LINGO2: variants seen among roughly 807,000 people sequenced by gnomAD.
LINGO2 encodes leucine rich repeat and Ig domain containing 2, also known as leucine-rich repeat and immunoglobulin-like domain-containing nogo receptor-interacting protein 2.
In LINGO2, 14 loss-of-function variants were observed where a neutral mutation model predicts 30.6. The observed-to-expected ratio is 0.46, with a 90% CI of 0.30 to 0.72. The LOEUF is 0.72. LINGO2 is among the 30% of genes least tolerant of loss of function. The pLI is 0.07. For missense variants in LINGO2, 729 were observed against 751.7 expected (o/e 0.97, Z 0.35); for synonymous variants, 317 against 288.5 (o/e 1.10, Z -1.00).
chr9:28,793,038 G>A, the LINGO2 span, among the ~76,000 whole-genome samples: 1 of 152,006 alleles, frequency 6.6e-6, no homozygotes, highest in Non-Finnish European at 1.5e-5. Flanking sequence ...TACACACCCT[G>A]CCACACACAC....
intron 5 of LINGO2, among the ~76,000 whole-genome samples, chr9:27,954,257 G>A (rs1819456450): frequency 6.6e-6 from 1 of 152,118 alleles, no homozygotes; most frequent in African/African-American, 2.4e-5. Flanking sequence ...ATTAACTACA[G>A]TCACTCTACT....
At chr9:28,872,674 T>C in the LINGO2 span, among the ~76,000 whole-genome samples, 1 of 152,108 alleles carries the variant, frequency 6.6e-6, no homozygotes, top group Non-Finnish European at 1.5e-5. Flanking sequence ...AACCATATTG[T>C]TTTGATTAAA....
the LINGO2 span, among the ~76,000 whole-genome samples, chr9:29,145,914 A>AT: frequency 6.6e-6 from 1 of 152,192 alleles, no homozygotes; most frequent in Non-Finnish European, 1.5e-5. Flanking sequence ...ATGTGTGTGC[A>AT]TGTAAGTTAT....
intron 5 of LINGO2, among the ~76,000 whole-genome samples, chr9:27,951,707 A>T (rs1819321777): frequency 6.6e-6 from 1 of 152,156 alleles, no homozygotes; most frequent in Admixed American, 6.5e-5. Context: ...TCTCAGGGGT[A>T]CACTTTATCC....
intron 1 of LINGO2, among the ~76,000 whole-genome samples, chr9:28,508,928 G>T (rs1176537961): frequency 6.6e-6 from 1 of 152,042 alleles, no homozygotes; most frequent in Non-Finnish European, 1.5e-5. Context: ...TGGAGTGGTT[G>T]TGTGAACTAC....
chr9:28,307,783 A>G (rs1824431169), intron 3 of LINGO2, among the ~76,000 whole-genome samples: 1 of 152,186 alleles, frequency 6.6e-6, no homozygotes, highest in African/African-American at 2.4e-5. Flanking sequence ...TTATACACCA[A>G]TAACAGACAA....
chr9:28,605,644 T>G (rs1034263883), intron 1 of LINGO2, among the ~76,000 whole-genome samples: 1 of 152,060 alleles, frequency 6.6e-6, no homozygotes, highest in Non-Finnish European at 1.5e-5. Flanking sequence ...TAGCCTAAGT[T>G]AAGCTTCTTC....
At chr9:29,038,599 A>G in the LINGO2 span, among the ~76,000 whole-genome samples, 2 of 150,634 alleles carry the variant, frequency 1.3e-5, no homozygotes, top group South Asian at 4.2e-4. Context: ...TCAGCAGAAC[A>G]TTAGAAATGA....
chr9:28,682,321 C>T, the LINGO2 span, among the ~76,000 whole-genome samples: 11 of 152,238 alleles, frequency 7.2e-5, no homozygotes, highest in South Asian at 1.2e-3. Flanking sequence ...GAACCTGTTC[C>T]GCATTCACTG....
chr9:28,995,089 A>G, the LINGO2 span, among the ~76,000 whole-genome samples: 3 of 151,982 alleles, frequency 2.0e-5, no homozygotes, highest in Admixed American at 6.5e-5. Flanking sequence ...GGCAACCTAC[A>G]AAATGGGAGA....
At chr9:29,017,978 G>A in the LINGO2 span, among the ~76,000 whole-genome samples, 2 of 150,726 alleles carry the variant, frequency 1.3e-5, no homozygotes, top group African/African-American at 2.4e-5. Flanking sequence ...TACAACTTAG[G>A]TGCCTGCCCA....
chr9:29,001,207 T>G, the LINGO2 span, among the ~76,000 whole-genome samples: 1 of 151,870 alleles, frequency 6.6e-6, no homozygotes, highest in Non-Finnish European at 1.5e-5. Context: ...GGAAATGAGA[T>G]CTCGTTGTAG....
intron 4 of LINGO2, among the ~76,000 whole-genome samples, chr9:28,109,735 A>G (rs1445121546): frequency 1.3e-5 from 2 of 152,228 alleles, no homozygotes. Flanking sequence ...GCTCAAGGAA[A>G]TAAGAGAGGA....
intron 1 of LINGO2, among the ~76,000 whole-genome samples, chr9:28,639,128 T>C (rs1312313146): frequency 1.3e-5 from 2 of 152,120 alleles, no homozygotes; most frequent in Non-Finnish European, 2.9e-5. Context: ...AGTTGAGCGG[T>C]TTTGAGTGAG....
the LINGO2 span, among the ~76,000 whole-genome samples, chr9:28,831,740 C>T: frequency 6.6e-6 from 1 of 152,120 alleles, no homozygotes; most frequent in African/African-American, 2.4e-5. Context: ...GCTACAATTT[C>T]AGTAATATAA....
chr9:29,139,515 T>C, the LINGO2 span, among the ~76,000 whole-genome samples: 1 of 152,108 alleles, frequency 6.6e-6, no homozygotes, highest in Non-Finnish European at 1.5e-5. Context: ...GAAATCTGGA[T>C]AGGAAGATGG....
chr9:29,143,058 AG>A, the LINGO2 span, among the ~76,000 whole-genome samples: 64,567 of 151,808 alleles, frequency 0.43, 13,853 homozygotes, highest in East Asian at 0.58. Context: ...TGAGAAAAAA[AG>A]TAAAATATTT....
the LINGO2 span, among the ~76,000 whole-genome samples, chr9:29,150,860 T>C: frequency 6.6e-6 from 1 of 151,982 alleles, no homozygotes; most frequent in Non-Finnish European, 1.5e-5. Flanking sequence ...ATTTTTCCAC[T>C]CTCCCTAGAG....
At chr9:28,793,176 A>G in the LINGO2 span, among the ~76,000 whole-genome samples, 1 of 152,214 alleles carries the variant, frequency 6.6e-6, no homozygotes, top group African/African-American at 2.4e-5. Flanking sequence ...GAAACAAAAC[A>G]ACAAACATGA....
Sources: gnomAD v4.1 joint callset for allele counts (sites outside exome capture counted in the v4.1 genomes callset) on GRCh38, gnomAD v4.1.1 for gene constraint, MANE v1.5 for transcripts, NCBI Gene and HGNC (gene_info 2026-07-23, HGNC 2026-07-21) for gene names.